The following HORMAD1 variants were observed in gnomAD, a reference collection of about 807,000 sequenced individuals.
HORMAD1 encodes the protein HORMA domain-containing protein 1.
A neutral mutation model predicts 58.2 loss-of-function variants in HORMAD1; 33 were observed. That is an observed-to-expected ratio of 0.57 (90% CI 0.43 to 0.76). HORMAD1 has a LOEUF of 0.76. HORMAD1 is among the 30% of genes least tolerant of loss of function. HORMAD1 has a pLI of 0.00. For synonymous variants in HORMAD1, 137 were observed against 144.6 expected, an observed-to-expected ratio of 0.95 and a Z score of 0.38; for missense variants, 363 against 462.0, an observed-to-expected ratio of 0.79 and a Z score of 1.96.
At chr1:150,718,682 T>C (rs954455211) in intron 2 of HORMAD1, among the ~76,000 whole-genome samples, 1 of 152,154 alleles carries the variant, frequency 6.6e-6, no homozygotes, top group South Asian at 2.1e-4. Flanking sequence ...TGGAGTGCAG[T>C]GGTGTGATCT....
At chr1:150,708,539 T>C (rs1005412995) in intron 8 of HORMAD1, 132 bp from the exon 9 acceptor site, 13 of 535,236 alleles carry the variant, frequency 2.4e-5, no homozygotes, top group South Asian at 8.2e-5. Flanking sequence ...TTACCATGTG[T>C]TTTAATGTCA....
At chr1:150,716,949 C>G (rs1410072970) in intron 3 of HORMAD1, among the ~76,000 whole-genome samples, 189 bp downstream of exon 3, 1 of 113,994 alleles carries the variant, frequency 8.8e-6, no homozygotes, top group Admixed American at 1.0e-4. Context: ...GGCGAGACCC[C>G]GTCTCAAAAA....
chr1:150,713,653 T>C, intron 5 of HORMAD1: 1 of 168,084 alleles, frequency 5.9e-6, no homozygotes, highest in Non-Finnish European at 1.3e-5. Context: ...TAAAACCTTC[T>C]TAATTTTGCT....
At chr1:150,712,169 A>G (rs2101875545) in intron 5 of HORMAD1, among the ~76,000 whole-genome samples, 1 of 152,340 alleles carries the variant, frequency 6.6e-6, no homozygotes, top group South Asian at 2.1e-4. Flanking sequence ...AACACAATAT[A>G]TGTGTTATAC....
chr1:150,699,102 A>T (rs1168519108), intron 14 of HORMAD1: 1 of 158,094 alleles, frequency 6.3e-6, no homozygotes, highest in Non-Finnish European at 1.4e-5. Flanking sequence ...GTACGATTTA[A>T]ATCATGTCTT....
chr1:150,719,573 C>G, intron 1 of HORMAD1, 35 bp from the exon 2 acceptor site: 2 of 1,047,380 alleles, frequency 1.9e-6, no homozygotes, highest in East Asian at 2.5e-5. Flanking sequence ...ACTTAGAGCT[C>G]ATTTTTTTCC....
rs761063029 is a variant in HORMAD1 at position 150,708,402 on chromosome 1, T to C, written c.401A>G (p.Asn134Ser). Residue 134 changes from asparagine (N) to serine (S), a missense_variant, in exon 9 of 15, where the codon AAC becomes AGC. Around this residue, in one of 3 missense-constraint regions of HORMAD1, gnomAD observed 128 missense variants for 171.8 expected, o/e 0.74. Transcript: ENST00000361824. ...NGPLMDFISK[N>S]QSNESSMLST... ...CAACATGCTAGATTCGTTGCTTTGG[T>C]TTTTACTAGAAGAGAATCACATATT... The C allele has an allele frequency of 5.7e-6, 9 of 1,587,938 alleles. No homozygotes were observed. The highest frequency in any genetic ancestry group is 1.4e-5 in the African/African-American group (1 of 73,690).
At chr1:150,715,665 G>C (rs1652045729) in intron 3 of HORMAD1, among the ~76,000 whole-genome samples, 2 of 152,000 alleles carry the variant, frequency 1.3e-5, no homozygotes, top group Admixed American at 1.3e-4. Context: ...CTGGCCTCAA[G>C]TGATCCTCCT....
chr1:150,706,813 C>CA lies in HORMAD1; in HGVS notation c.548-5dup. The stretch of plus-strand genomic sequence containing the variant: ...GGCTGGTAATCTGGGGGTGTAACTG[C>CA]AAAAAAGTAAGTGTAAACTGTGCTG... On this transcript the variant is annotated splice_polypyrimidine_tract_variant and splice_region_variant and intron_variant, in intron 9 of 14. Transcript: ENST00000361824. The CA allele has an allele frequency of 2.5e-6, 4 of 1,591,464 alleles. No individual in the cohort carries two copies. Among genetic ancestry groups the CA allele is most frequent in the Admixed American group, 1.8e-5 (1 of 54,554 alleles).
At chr1:150,702,410 T>C (rs1157832111) in intron 13 of HORMAD1, among the ~76,000 whole-genome samples, 2 of 152,166 alleles carry the variant, frequency 1.3e-5, no homozygotes, top group African/African-American at 4.8e-5. Flanking sequence ...GTCCCAGTAA[T>C]CCCATTACTA....
At chr1:150,714,997 C>T (rs1652025483) in intron 3 of HORMAD1, among the ~76,000 whole-genome samples, 1 of 151,980 alleles carries the variant, frequency 6.6e-6, no homozygotes, top group South Asian at 2.1e-4. Flanking sequence ...GTTGGGCAGA[C>T]TAGTCTCGAA....
At chr1:150,709,066 G>A (rs1651780324) in intron 7 of HORMAD1, 105 bp from the exon 8 acceptor site, 1 of 676,292 alleles carries the variant, frequency 1.5e-6, no homozygotes, top group Non-Finnish European at 2.7e-6. Context: ...ACTTTTTTCT[G>A]CCATATTAAT....
chr1:150,699,408 C>G (rs1040955963), intron 14 of HORMAD1, among the ~76,000 whole-genome samples: 1 of 152,094 alleles, frequency 6.6e-6, no homozygotes, highest in Non-Finnish European at 1.5e-5. Context: ...CAGTTTTGAT[C>G]TCTAGAAAGC....
Position 150,704,696 on chromosome 1 carries a change from A to T in HORMAD1, c.805-353T>A, listed in dbSNP as rs587633306. On this transcript the variant is annotated intron_variant, in intron 10 of 14. Coordinates refer to ENST00000361824, the MANE Select transcript of HORMAD1 (RefSeq NM_032132.5). ...AGGCTGCAGTAGCCGTGATCATCCC[A>T]CTGCGCTCCAGCCTGGGAGACAGGA... Among the ~76,000 whole-genome samples, 21 of 152,198 alleles carry T rather than the reference A, an allele frequency of 1.4e-4. No homozygotes were observed. The East Asian group carries it at 4.1e-3, about 29-fold the overall frequency.
intron 13 of HORMAD1, among the ~76,000 whole-genome samples, chr1:150,702,679 G>C (rs1247793527): frequency 6.6e-6 from 1 of 152,154 alleles, no homozygotes; most frequent in Admixed American, 6.5e-5. Flanking sequence ...TCACTTATAA[G>C]TGGTAGATAA....
At chr1:150,699,664 A>G (rs1252035020) in intron 14 of HORMAD1, among the ~76,000 whole-genome samples, 1 of 151,016 alleles carries the variant, frequency 6.6e-6, no homozygotes, top group African/African-American at 2.4e-5. Context: ...AGCTGGGACT[A>G]CAGGCGTGCG....
intron 13 of HORMAD1, chr1:150,702,075 C>T (rs1458230471): frequency 6.6e-6 from 1 of 152,004 alleles, no homozygotes; most frequent in Non-Finnish European, 1.5e-5. Flanking sequence ...AACAAATTTA[C>T]AAGAAAAAAT....
chr1:150,717,032 A>G (rs1652102482), intron 3 of HORMAD1, 106 bp downstream of exon 3: 5 of 618,586 alleles, frequency 8.1e-6, no homozygotes, highest in Non-Finnish European at 1.4e-5. Flanking sequence ...TGTATTAATA[A>G]AGCTTCTATT....
chr1:150,710,200 A>C (rs1183128733), intron 7 of HORMAD1, among the ~76,000 whole-genome samples: 3 of 152,096 alleles, frequency 2.0e-5, no homozygotes, highest in Non-Finnish European at 2.9e-5. Context: ...GTGGAGGGGC[A>C]GGCCACCCCT....
Sources: gnomAD v4.1 joint callset for allele counts (sites outside exome capture counted in the v4.1 genomes callset) on GRCh38, gnomAD v4.1.1 for gene constraint, gnomAD v4.1.1 regional missense constraint, MANE v1.5 for transcripts, NCBI Gene and HGNC (gene_info 2026-07-23, HGNC 2026-07-21) for gene names.